USO1: variants seen among roughly 807,000 people sequenced by gnomAD.
USO1 encodes USO1 vesicle transport factor.
A neutral mutation model predicts 124.5 loss-of-function variants in USO1; 57 were observed. The observed-to-expected ratio is 0.46, with a 90% CI of 0.37 to 0.57. USO1 has a LOEUF of 0.57. Among genes scored for constraint, USO1 ranks in the 20% least tolerant of loss-of-function variants. USO1 has a pLI of 0.00. For missense variants in USO1, 900 were observed against 1,040.6 expected, an observed-to-expected ratio of 0.86 and a Z score of 1.86; for synonymous variants, 369 against 362.8, an observed-to-expected ratio of 1.02 and a Z score of -0.19.
Position 75,812,196 on chromosome 4 carries a change from A to G in USO1, c.2620A>G (p.Ile874Val), listed in dbSNP as rs1219764012. ...AGCTCTGTCTGAGGAAAGAACTGCCATTAAAGAGCAGCTGGATTCATCTAA... is the reference window on the plus strand; with the variant it reads ...AGCTCTGTCTGAGGAAAGAACTGCCGTTAAAGAGCAGCTGGATTCATCTAA... ...IKALSEERTA[I>V]KEQLDSSNST... The change falls in exon 23 of 24, where the codon ATT becomes GTT. Residue 874 changes from isoleucine to valine, a missense_variant. By Grantham distance (29) the Ile-to-Val change is conservative. Transcript: ENST00000514213. The G allele has an allele frequency of 1.2e-6, 2 of 1,608,930 alleles. No homozygotes were observed. Among genetic ancestry groups the G allele is most frequent in the African/African-American group, 1.3e-5 (1 of 74,998 alleles).
At chr4:75,804,105 AAACACAT>A in intron 17 of USO1, 22 bp from the exon 18 acceptor site, 1 of 1,608,188 alleles carries the variant, frequency 6.2e-7, no homozygotes, top group Non-Finnish European at 8.5e-7. Context: ...TATGACTTTA[AAACACAT>A]GAATTATGTT....
At position 75,764,617 on chromosome 4, in the gene USO1, G is replaced by GT. The variant is rs1039267648; in HGVS notation, c.296-5814dup. Among the ~76,000 whole-genome samples the GT allele has an allele frequency of 5.3e-5, 8 of 151,846 alleles. No homozygotes were observed. In the South Asian group the frequency reaches 6.2e-4, roughly 12 times the overall value. ...GAAGAATCCATCAAGTCTATATGTGGTTTTTTTTCTTCCTTTTTAGATTAG... is the reference window on the plus strand; with the variant it reads ...GAAGAATCCATCAAGTCTATATGTGGTTTTTTTTTCTTCCTTTTTAGATTAG... On this transcript the variant is annotated intron_variant, in intron 4 of 23. Transcript: ENST00000514213.
intron 1 of USO1, among the ~76,000 whole-genome samples, chr4:75,742,913 G>A (rs538369672): frequency 8.5e-5 from 13 of 152,054 alleles, no homozygotes; most frequent in African/African-American, 3.1e-4. Context: ...TCTTTGGTCG[G>A]TTTCCAAGAG....
intron 9 of USO1, among the ~76,000 whole-genome samples, chr4:75,783,156 A>G (rs2149176035): frequency 6.6e-6 from 1 of 152,312 alleles, no homozygotes; most frequent in African/African-American, 2.4e-5. Flanking sequence ...TTAAGGAATA[A>G]TAGGTTACAT....
Position 75,725,078 on chromosome 4 carries a change from G to T in USO1, c.66+193G>T, listed in dbSNP as rs533739581. 35 of 646,286 alleles carry T rather than the reference G, an allele frequency of 5.4e-5. 1 individual carries two copies. The South Asian group carries it at 6.7e-4, about 12-fold the overall frequency. The allele number at this position is 646,286 out of a possible 1,614,324, so 40.0% of individuals were successfully genotyped here. ...TCACGCCCCCAGCTCAGTCCCCATT[G>T]CTGCCGTTCGGCCGGACTGACGGCG... On this transcript the variant is annotated intron_variant, in intron 1 of 23. Coordinates refer to ENST00000514213, the MANE Select transcript of USO1 (RefSeq NM_003715.4).
At position 75,804,114 on chromosome 4, in the gene USO1, A is replaced by T. The variant is rs767562561; in HGVS notation, c.1987-20A>T. The T allele has an allele frequency of 1.2e-6, 2 of 1,610,144 alleles. No homozygotes were observed. The highest frequency in any genetic ancestry group is 3.4e-5 in the Admixed American group (2 of 59,176). On this transcript the variant is annotated intron_variant, in intron 17 of 23. Coordinates refer to ENST00000514213, the MANE Select transcript of USO1 (RefSeq NM_003715.4). ...AACGAGTATGACTTTAAAACACATG[A>T]ATTATGTTTTGTTTCACAGGATCTC...
chr4:75,810,475 C>G lies in USO1; in HGVS notation c.2519C>G (p.Ala840Gly). The G allele has an allele frequency of 6.2e-7, 1 of 1,612,868 alleles. No homozygotes were observed. The highest frequency in any genetic ancestry group is 8.5e-7 in the Non-Finnish European group (1 of 1,179,536). Reference protein sequence around the residue: ...EVQGETETIIATKTTDVEGRL... With the variant: ...EVQGETETIIGTKTTDVEGRL... ...CAAGGAGAGACCGAGACTATAATAGCCACCAAAACTACTGATGTAGAAGGA... is the reference window on the plus strand; with the variant it reads ...CAAGGAGAGACCGAGACTATAATAGGCACCAAAACTACTGATGTAGAAGGA... Residue 840 changes from alanine (A) to glycine (G), a missense_variant, in exon 22 of 24, where the codon GCC becomes GGC. Ala to Gly is a moderately conservative substitution (Grantham distance 60, BLOSUM62 0). This residue lies in a region of USO1 where 362 missense variants were observed against 359.0 expected (regional missense o/e 1.01). Coordinates refer to ENST00000514213, the MANE Select transcript of USO1 (RefSeq NM_003715.4).
intron 1 of USO1, among the ~76,000 whole-genome samples, chr4:75,744,426 A>T (rs1175080453): frequency 6.6e-6 from 1 of 152,030 alleles, no homozygotes; most frequent in African/African-American, 2.4e-5. Context: ...ATTCTATAAT[A>T]ATTATTATTT....
In USO1 at chr4:75,812,378, A is replaced by G. The variant is rs1163389243; in HGVS notation, c.2799+3A>G. On this transcript the variant is annotated splice_donor_region_variant and intron_variant, in intron 23 of 23. Transcript: ENST00000514213. ...AACTCAAGGATCTTGGTCATCCAGT[A>G]AGATTAAAATGTCTCCAAAAATGAT... 1.3e-6 allele frequency: 2 copies of G among 1,571,608 alleles called. No homozygotes were observed. Among genetic ancestry groups the G allele is most frequent in the Non-Finnish European group, 1.7e-6 (2 of 1,159,364 alleles).
At chr4:75,725,060 C>G in intron 1 of USO1, 175 bp downstream of exon 1, 3 of 705,864 alleles carry the variant, frequency 4.3e-6, no homozygotes, top group Non-Finnish European at 7.1e-6. Flanking sequence ...CAATCACGCC[C>G]CCAGCTCAGT....
intron 13 of USO1, among the ~76,000 whole-genome samples, chr4:75,797,432 A>G (rs949490780): frequency 6.7e-6 from 1 of 148,594 alleles, no homozygotes; most frequent in African/African-American, 2.5e-5. Context: ...GGATTTTTGT[A>G]TTCTGTCTCT....
rs1052495921 is a variant in USO1, at chr4:75,752,200, A to G, written c.67-173A>G. ...TTTTAAGTCTCTGCAAAACTATTTG[A>G]TCTCTGTAATGAGATTATAATACTA... is the stretch of plus-strand genomic sequence containing the variant. On this transcript the variant is annotated intron_variant, in intron 1 of 23. Transcript: ENST00000514213. Among the ~76,000 whole-genome samples the G allele has an allele frequency of 1.6e-3, 250 of 152,088 alleles. 1 individual carries two copies. Among genetic ancestry groups the G allele is most frequent in the African/African-American group, 5.7e-3 (236 of 41,492 alleles).
At chr4:75,735,492 T>TTC (rs1720764143) in intron 1 of USO1, among the ~76,000 whole-genome samples, 1 of 152,180 alleles carries the variant, frequency 6.6e-6, no homozygotes, top group Non-Finnish European at 1.5e-5. Flanking sequence ...ACCATCCTAG[T>TTC]TCTATGCTGT....
intron 10 of USO1, among the ~76,000 whole-genome samples, chr4:75,787,999 A>G (rs981835497): frequency 1.3e-5 from 2 of 151,864 alleles, no homozygotes; most frequent in African/African-American, 4.8e-5. Flanking sequence ...GTTTCCCACC[A>G]CAGGCCACCT....
Position 75,770,835 on chromosome 4 carries a change from A to G in USO1, c.410A>G (p.His137Arg), listed in dbSNP as rs756903264. The change falls in exon 6 of 24, where the codon CAT (histidine) becomes CGT (arginine). Residue 137 changes from histidine (H) to arginine (R), a missense_variant. His to Arg is a conservative substitution (Grantham distance 29, BLOSUM62 0). Transcript: ENST00000514213. ...LLSLLEEFDF[H>R]VRWPGVKLLT... ...CTTACATTGCAGGAGTTTGATTTCC[A>G]TGTCCGCTGGCCTGGTGTGAAGCTT... 3.6e-5 allele frequency: 58 copies of G among 1,608,602 alleles called. No homozygotes were observed. Among genetic ancestry groups the G allele is most frequent in the Admixed American group, 5.1e-5 (3 of 58,490 alleles).
chr4:75,781,590 G>A (rs1310026322), intron 8 of USO1, among the ~76,000 whole-genome samples: 1 of 152,116 alleles, frequency 6.6e-6, no homozygotes, highest in African/African-American at 2.4e-5. Context: ...TAGTGTAAAT[G>A]TAACTTTTGT....
At chr4:75,804,523 A>G (rs1043708386) in intron 18 of USO1, among the ~76,000 whole-genome samples, 2 of 152,206 alleles carry the variant, frequency 1.3e-5, no homozygotes, top group African/African-American at 2.4e-5. Flanking sequence ...CTGGCTGCAT[A>G]TTAGAATCTC....
rs1267260992 is a variant in USO1, at chr4:75,724,714, G to A, written c.-106G>A. On this transcript the variant is annotated 5_prime_UTR_variant, in exon 1 of 24. It removes the in-frame stop codon of an upstream open reading frame in the 5' UTR. Coordinates refer to ENST00000514213, the MANE Select transcript of USO1 (RefSeq NM_003715.4). ...GTTGGAGGCGGTGGTGGCAGCAGTA[G>A]GAGTGTGTAGAGTGCGGGATTGGGG... The A allele has an allele frequency of 3.5e-6, 4 of 1,152,376 alleles. No individual in the cohort carries two copies. Among genetic ancestry groups the A allele is most frequent in the East Asian group, 2.6e-5 (1 of 38,870 alleles). 71.4% of individuals were successfully genotyped at this position (1,152,376 alleles called of 1,614,324 possible).
At chr4:75,771,944 C>T (rs955866690) in intron 7 of USO1, among the ~76,000 whole-genome samples, 3 of 152,104 alleles carry the variant, frequency 2.0e-5, no homozygotes, top group African/African-American at 4.8e-5. Context: ...TAGTGAAATG[C>T]CCAAGACCCA....
Sources: gnomAD v4.1 joint callset for allele counts (sites outside exome capture counted in the v4.1 genomes callset) on GRCh38, gnomAD v4.1.1 for gene constraint, gnomAD v4.1.1 regional missense constraint, MANE v1.5 for transcripts, NCBI Gene and HGNC (gene_info 2026-07-23, HGNC 2026-07-21) for gene names.